PSMB7: variants seen among roughly 807,000 people sequenced by gnomAD.
The protein encoded by PSMB7 is proteasome subunit beta type-7.
Under a neutral mutation model 28.1 loss-of-function variants are expected in PSMB7, and 5 were observed. The ratio of observed to expected loss-of-function variants is 0.18; its 90% CI spans 0.09 to 0.37. PSMB7 has a LOEUF of 0.37. Ranked by LOEUF, PSMB7 falls within the 10% of genes least tolerant of loss-of-function variation. PSMB7 has a pLI of 1.00. For synonymous variants in PSMB7, 122 were observed against 123.7 expected (o/e 0.99, Z 0.09); for missense variants, 275 against 346.2 (o/e 0.79, Z 1.63).
chr9:124,378,331 T>A (rs1274529978), intron 6 of PSMB7, among the ~76,000 whole-genome samples: 2 of 152,228 alleles, frequency 1.3e-5, no homozygotes, highest in Non-Finnish European at 2.9e-5. Context: ...GCTCACACGA[T>A]GTGTTTGGTG....
intron 4 of PSMB7, among the ~76,000 whole-genome samples, chr9:124,409,163 T>C (rs1417841202): frequency 6.6e-6 from 1 of 152,130 alleles, no homozygotes; most frequent in Non-Finnish European, 1.5e-5. Flanking sequence ...GTACTAGCAA[T>C]ATAAAAGGAA....
chr9:124,369,770 C>G (rs1351721452), intron 6 of PSMB7, among the ~76,000 whole-genome samples: 1 of 152,104 alleles, frequency 6.6e-6, no homozygotes, highest in African/African-American at 2.4e-5. Flanking sequence ...CCTCCCTGTC[C>G]CACCTTTCCT....
chr9:124,356,872 C>G lies in PSMB7; in HGVS notation c.614G>C (p.Gly205Ala). The G allele has an allele frequency of 6.2e-7, 1 of 1,614,192 alleles. No individual in the cohort carries two copies. Among genetic ancestry groups the G allele is most frequent in the Non-Finnish European group, 8.5e-7 (1 of 1,180,044 alleles). ...KNLVSEAIAA[G>A]IFNDLGSGSN... ...TCCGGAGCCCAGGTCGTTGAAGATG[C>G]CAGCTGCGATGGCTTCGCTCACCAG... The change falls in exon 7 of 8, where the codon GGC becomes GCC. Residue 205 changes from glycine (G) to alanine (A), a missense_variant. By Grantham distance (60) the Gly-to-Ala change is moderately conservative. This residue lies in a region of PSMB7 where 213 missense variants were observed against 302.4 expected (regional missense o/e 0.70). Coordinates refer to ENST00000259457, the MANE Select transcript of PSMB7 (RefSeq NM_002799.4). This position sits in a 1 kb window ranked among gnomAD's most constrained non-coding sequence, Gnocchi z 4.4.
intron 5 of PSMB7, among the ~76,000 whole-genome samples, chr9:124,403,323 G>A (rs559822158): frequency 7.9e-5 from 12 of 151,766 alleles, no homozygotes; most frequent in East Asian, 3.9e-4. Flanking sequence ...CCAGGAGTTC[G>A]AGACCAACCT....
chr9:124,367,061 G>A (rs1225768435), intron 6 of PSMB7, among the ~76,000 whole-genome samples: 5 of 152,244 alleles, frequency 3.3e-5, no homozygotes, highest in African/African-American at 9.6e-5. Context: ...AAGCCGTGGG[G>A]GAGGAAATGC....
chr9:124,410,516 C>A (rs1831018248), intron 4 of PSMB7, among the ~76,000 whole-genome samples: 1 of 152,112 alleles, frequency 6.6e-6, no homozygotes, highest in South Asian at 2.1e-4. Flanking sequence ...CCAGAGGGAG[C>A]TTTATATTTA....
In PSMB7 at chr9:124,356,399, T is replaced by G. The variant is rs1830407379; in HGVS notation, c.722+365A>C. On this transcript the variant is annotated intron_variant, in intron 7 of 7. Transcript: ENST00000259457. This position sits in a 1 kb window ranked among gnomAD's most constrained non-coding sequence, Gnocchi z 4.4. ...CCCAGTTAGGAATCTCGGGGCACTC[T>G]GAGGGAAAGTGCTGGGGCTGCCCTG... Among the ~76,000 whole-genome samples, 1 of 152,168 alleles carries G rather than the reference T, an allele frequency of 6.6e-6. No homozygotes were observed. Among genetic ancestry groups the G allele is most frequent in the South Asian group, 2.1e-4 (1 of 4,824 alleles).
At chr9:124,399,405 C>T (rs982275768) in intron 5 of PSMB7, among the ~76,000 whole-genome samples, 29 of 152,238 alleles carry the variant, frequency 1.9e-4, no homozygotes, top group Middle Eastern at 6.8e-3. Context: ...CTTGCTAACT[C>T]CGCCAGGGGC....
chr9:124,371,204 C>T (rs988779604), intron 6 of PSMB7, among the ~76,000 whole-genome samples: 5 of 152,230 alleles, frequency 3.3e-5, no homozygotes, highest in African/African-American at 9.6e-5. Context: ...ATAATGTCTT[C>T]ACCACTAAAC....
Position 124,415,368 on chromosome 9 carries a change from G to T in PSMB7, c.58C>A (p.Arg20Ser). ...AAGCCCCAAGCAAGGCGGCACCTGC[G>T]GCAGTTATCAAAAGAGAAGCCTCCA... ...PVGGFSFDNCRRNAVLEADFA... is the reference protein window; with the variant it reads ...PVGGFSFDNCSRNAVLEADFA... The change falls in exon 1 of 8, where the codon CGC (arginine) becomes AGC (serine). Residue 20 changes from arginine (R) to serine (S), a missense_variant. Coordinates refer to ENST00000259457, the MANE Select transcript of PSMB7 (RefSeq NM_002799.4). 1 of 1,613,974 alleles carries T rather than the reference G, an allele frequency of 6.2e-7. No homozygotes were observed. The highest frequency in any genetic ancestry group is 8.5e-7 in the Non-Finnish European group (1 of 1,179,990).
intron 5 of PSMB7, among the ~76,000 whole-genome samples, chr9:124,391,750 T>A (rs1830789862): frequency 6.6e-6 from 1 of 152,238 alleles, no homozygotes; most frequent in African/African-American, 2.4e-5. Context: ...ACTAACTTTT[T>A]CTGAGCGAAC....
At chr9:124,397,887 G>A (rs564197906) in intron 5 of PSMB7, among the ~76,000 whole-genome samples, 1 of 152,224 alleles carries the variant, frequency 6.6e-6, no homozygotes, top group South Asian at 2.1e-4. Flanking sequence ...ACAAAATCCA[G>A]CCAGGCACAG....
At position 124,403,856 on chromosome 9, in the gene PSMB7, T is replaced by C. The variant is rs115558093; in HGVS notation, c.511+1461A>G. 1.4e-3 allele frequency among the ~76,000 whole-genome samples: 207 copies of C among 151,386 alleles called. 1 individual carries two copies. The highest frequency in any genetic ancestry group is 4.9e-3 in the African/African-American group (202 of 41,280). On this transcript the variant is annotated intron_variant, in intron 5 of 7. Coordinates refer to ENST00000259457, the MANE Select transcript of PSMB7 (RefSeq NM_002799.4). ...CTTCTACTCTAGAATTCTACTCAAATCTCACCTTCTTCATAAGACCTGTCC... is the reference window on the plus strand; with the variant it reads ...CTTCTACTCTAGAATTCTACTCAAACCTCACCTTCTTCATAAGACCTGTCC...
At chr9:124,384,690 A>C in intron 5 of PSMB7, 34 bp from the exon 6 acceptor site, 1 of 1,601,890 alleles carries the variant, frequency 6.2e-7, no homozygotes, top group Non-Finnish European at 8.5e-7. Context: ...AGTGTATTTT[A>C]TGATATCCCA....
chr9:124,414,230 T>G (rs1317693459), intron 2 of PSMB7, among the ~76,000 whole-genome samples: 1 of 152,212 alleles, frequency 6.6e-6, no homozygotes, highest in Non-Finnish European at 1.5e-5. Context: ...ATTATTCCCA[T>G]TTTCAAGTGA....
chr9:124,379,460 A>T (rs1830643519), intron 6 of PSMB7, among the ~76,000 whole-genome samples: 1 of 152,174 alleles, frequency 6.6e-6, no homozygotes, highest in Admixed American at 6.5e-5. Flanking sequence ...AAAAAATGAA[A>T]ATTAGAAGAC....
chr9:124,370,192 A>T (rs1830546819), intron 6 of PSMB7, among the ~76,000 whole-genome samples: 2 of 149,788 alleles, frequency 1.3e-5, no homozygotes, highest in African/African-American at 4.9e-5. Flanking sequence ...GCCAGTTTTG[A>T]TGTGCCTTAG....
intron 5 of PSMB7, among the ~76,000 whole-genome samples, chr9:124,395,216 G>A (rs1830827635): frequency 6.6e-6 from 1 of 152,158 alleles, no homozygotes; most frequent in Non-Finnish European, 1.5e-5. Flanking sequence ...TAAGCATAGT[G>A]GCTCATGCCT....
At chr9:124,364,046 T>C (rs1027396147) in intron 6 of PSMB7, among the ~76,000 whole-genome samples, 4 of 152,106 alleles carry the variant, frequency 2.6e-5, no homozygotes, top group Non-Finnish European at 5.9e-5. Context: ...AACACAGCAA[T>C]TTCACAAACA....
Sources: gnomAD v4.1 joint callset for allele counts (sites outside exome capture counted in the v4.1 genomes callset) on GRCh38, gnomAD v4.1.1 for gene constraint, gnomAD v4.1.1 regional missense constraint, Gnocchi (gnomAD v3.1) non-coding constraint, MANE v1.5 for transcripts, NCBI Gene and HGNC (gene_info 2026-07-23, HGNC 2026-07-21) for gene names.